Variants in ATF3 observed in about 807,000 individuals in gnomAD.
The protein encoded by ATF3 is cyclic AMP-dependent transcription factor ATF-3.
A neutral mutation model predicts 18.4 loss-of-function variants in ATF3; 10 were observed. The ratio of observed to expected loss-of-function variants is 0.54; its 90% confidence interval spans 0.34 to 0.92. ATF3 has a LOEUF of 0.92. Ranked by LOEUF, ATF3 falls within the 40% of genes least tolerant of loss-of-function variation. The pLI is 0.02. For synonymous variants in ATF3, 78 were observed against 87.9 expected (o/e 0.89, Z 0.63); for missense variants, 183 against 222.3 (o/e 0.82, Z 1.12).
At chr1:212,566,586 G>T (rs1038294890) in intron 1 of ATF3, among the ~76,000 whole-genome samples, 2 of 152,134 alleles carry the variant, frequency 1.3e-5, no homozygotes, top group Non-Finnish European at 2.9e-5. Context: ...GGCATAGAGG[G>T]GGTGGAGGTC....
chr1:212,579,069 T>G (rs1664633497), intron 1 of ATF3, among the ~76,000 whole-genome samples: 1 of 144,440 alleles, frequency 6.9e-6, no homozygotes, highest in African/African-American at 2.6e-5. Flanking sequence ...TGGAGTGCAG[T>G]GGCACAATCT....
intron 1 of ATF3, among the ~76,000 whole-genome samples, chr1:212,598,951 C>A (rs938170707): frequency 6.6e-6 from 1 of 152,164 alleles, no homozygotes; most frequent in Non-Finnish European, 1.5e-5. Flanking sequence ...TTGATATACT[C>A]ATTTCCTTTC....
rs569634508 is a variant in ATF3, at chr1:212,581,704, T to C, written c.-5+16221T>C. On this transcript the variant is annotated intron_variant, in intron 1 of 3. Transcript: ENST00000366981. The stretch of plus-strand genomic sequence containing the variant: ...GATTTTGATTTTCATAAAATGAAAA[T>C]CCTAAAATAATTACTCAGTACCCAG... Among the ~76,000 whole-genome samples the C allele has an allele frequency of 6.6e-5, 10 of 152,130 alleles. No homozygotes were observed. In the South Asian group the frequency reaches 1.9e-3, roughly 28 times the overall value.
chr1:212,604,906 T>C (rs1558235319), upstream of ATF3, among the ~76,000 whole-genome samples: 2 of 152,116 alleles, frequency 1.3e-5, no homozygotes, highest in Non-Finnish European at 2.9e-5. Flanking sequence ...AGGTGTGTGG[T>C]GGAGTTGCTG....
At chr1:212,617,545 C>T (rs1300430740) in intron 2 of ATF3, among the ~76,000 whole-genome samples, 1 of 152,208 alleles carries the variant, frequency 6.6e-6, no homozygotes, top group Non-Finnish European at 1.5e-5. Context: ...CAGCATGGGC[C>T]GATTAATGCC....
At chr1:212,601,220 T>C (rs997410092) in intron 1 of ATF3, among the ~76,000 whole-genome samples, 4 of 152,208 alleles carry the variant, frequency 2.6e-5, no homozygotes, top group African/African-American at 9.6e-5. Context: ...ACTCAGTCAA[T>C]AACAGGGCTT....
intron 1 of ATF3, among the ~76,000 whole-genome samples, chr1:212,598,329 T>C (rs1301181253): frequency 2.0e-5 from 3 of 152,356 alleles, no homozygotes; most frequent in African/African-American, 7.2e-5. Flanking sequence ...TATTTATTTT[T>C]AACTTTTATG....
chr1:212,586,834 T>C (rs932480530), intron 1 of ATF3, among the ~76,000 whole-genome samples: 1 of 152,232 alleles, frequency 6.6e-6, no homozygotes, highest in Non-Finnish European at 1.5e-5. Flanking sequence ...AGGTCAGTGC[T>C]GCAACCTTAA....
Position 212,618,771 on chromosome 1 carries a change from AGGGGAAATAGCTTTTGT to A in ATF3, c.348+541_348+557del. The A allele has an allele frequency of 3.7e-6, 2 of 535,490 alleles. No individual in the cohort carries two copies. Among genetic ancestry groups the A allele is most frequent in the Non-Finnish European group, 6.7e-6 (2 of 298,152 alleles). The allele number at this position is 535,490 out of a possible 1,614,324, so 33.2% of individuals were successfully genotyped here. ...TCAGCCGGCCCGCCTGAGAGACACT[AGGGGAAATAGCTTTTGT>A]GGGCAAGCAGGGTGGCCGGTGGTGC... On this transcript the variant is annotated intron_variant, in intron 3 of 3. Transcript: ENST00000341491. This position sits in a 1 kb window ranked among gnomAD's most constrained non-coding sequence, Gnocchi z 4.4.
In ATF3 at chr1:212,614,816, TG is replaced by T. The variant is rs545933269; in HGVS notation, c.-4-201del. Among the ~76,000 whole-genome samples, 9 of 152,322 alleles carry T rather than the reference TG, an allele frequency of 5.9e-5. No individual in the cohort carries two copies. In the South Asian group the frequency reaches 1.9e-3, roughly 32 times the overall value. On this transcript the variant is annotated intron_variant, in intron 1 of 3. Transcript: ENST00000341491. ...AAATTTCAAATAGGCATTTTGTTCA[TG>T]TCACTGAGCTATGTGTATTTTAAGA... is the stretch of plus-strand genomic sequence containing the variant.
chr1:212,596,886 T>C (rs962354213), intron 1 of ATF3, among the ~76,000 whole-genome samples: 3 of 152,244 alleles, frequency 2.0e-5, no homozygotes, highest in East Asian at 1.9e-4. Context: ...AGAGGAGAAA[T>C]TAATGTTGGG....
upstream of ATF3, among the ~76,000 whole-genome samples, chr1:212,606,315 T>C (rs1460579138): frequency 2.6e-5 from 4 of 152,246 alleles, no homozygotes; most frequent in Non-Finnish European, 5.9e-5. Context: ...TTTTCGGGTT[T>C]AGAATATCAG....
intron 1 of ATF3, among the ~76,000 whole-genome samples, chr1:212,575,195 A>G (rs971449953): frequency 6.6e-6 from 1 of 152,006 alleles, no homozygotes; most frequent in Non-Finnish European, 1.5e-5. Flanking sequence ...AATTCTCTCC[A>G]TTTATTTAGG....
chr1:212,593,717 G>A (rs1290698815), intron 1 of ATF3, among the ~76,000 whole-genome samples: 11 of 141,348 alleles, frequency 7.8e-5, no homozygotes, highest in African/African-American at 2.7e-4. Context: ...CTCCAGCCTG[G>A]ATGATAGAGA....
chr1:212,597,419 T>TTATCTATCTATCTATCTATCTATC (rs11404416), intron 1 of ATF3, among the ~76,000 whole-genome samples: 10 of 150,848 alleles, frequency 6.6e-5, no homozygotes, highest in East Asian at 2.0e-4. Flanking sequence ...TTACATCTAT[T>TTATCTATCTATCTATCTATCTATC]TATCTATCTA....
At chr1:212,596,609 G>A (rs1049271344) in intron 1 of ATF3, among the ~76,000 whole-genome samples, 2 of 152,184 alleles carry the variant, frequency 1.3e-5, no homozygotes, top group Non-Finnish European at 2.9e-5. Flanking sequence ...GAGTGCTGTG[G>A]GGGGTGTGAA....
intron 1 of ATF3, among the ~76,000 whole-genome samples, chr1:212,567,558 CT>C (rs1478388086): frequency 6.6e-6 from 1 of 152,060 alleles, no homozygotes; most frequent in Non-Finnish European, 1.5e-5. Flanking sequence ...GATGTCTGAT[CT>C]TTTTATAGGG....
At chr1:212,605,967 G>C (rs926290708), upstream of ATF3, among the ~76,000 whole-genome samples, 4 of 152,218 alleles carry the variant, frequency 2.6e-5, no homozygotes, top group Admixed American at 2.6e-4. Context: ...TGTTTGCATG[G>C]AGAAGAGTTT....
In ATF3 at chr1:212,576,721, C is replaced by CTTTTTTTTTTTTTTT. The variant is rs57512671; in HGVS notation, c.-5+11248_-5+11262dup. On this transcript the variant is annotated intron_variant, in intron 1 of 3. Coordinates refer to the ATF3 transcript ENST00000366981. The stretch of plus-strand genomic sequence containing the variant: ...AAAAAATATTCTTTTCTTTTCTTTT[C>CTTTTTTTTTTTTTTT]TTTTTTTTTTTTTTTTTTTTTTTTG... 2.3e-3 allele frequency among the ~76,000 whole-genome samples: 134 copies of CTTTTTTTTTTTTTTT among 57,306 alleles called. 8 individuals are homozygous for CTTTTTTTTTTTTTTT. Among genetic ancestry groups the CTTTTTTTTTTTTTTT allele is most frequent in the Non-Finnish European group, 3.0e-3 (102 of 34,252 alleles). The allele number at this position is 57,306 out of a possible 152,430, so 37.6% of individuals were successfully genotyped here. A position where few individuals can be genotyped will look rare whatever the true frequency, so the allele number is the denominator to read the frequency against.
Sources: gnomAD v4.1 joint callset for allele counts (sites outside exome capture counted in the v4.1 genomes callset) on GRCh38, gnomAD v4.1.1 for gene constraint, Gnocchi (gnomAD v3.1) non-coding constraint, MANE v1.5 for transcripts, NCBI Gene and HGNC (gene_info 2026-07-23, HGNC 2026-07-21) for gene names.